The following USP3 variants were observed in gnomAD, a reference collection of about 807,000 sequenced individuals.
USP3 encodes the protein ubiquitin carboxyl-terminal hydrolase 3.
In USP3, 20 loss-of-function variants were observed where a neutral mutation model predicts 72.3. That is an observed-to-expected ratio of 0.28 (90% CI 0.19 to 0.40). The LOEUF (loss-of-function observed/expected upper bound fraction) is 0.40. Among genes scored for constraint, USP3 ranks in the 10% least tolerant of loss-of-function variants. USP3 has a pLI of 1.00. For synonymous variants in USP3, 222 were observed against 225.3 expected (o/e 0.99, Z 0.13); for missense variants, 479 against 633.9 (o/e 0.76, Z 2.62).
intron 1 of USP3, among the ~76,000 whole-genome samples, chr15:63,526,120 T>C (rs574081426): frequency 6.6e-6 from 1 of 152,348 alleles, no homozygotes; most frequent in African/African-American, 2.4e-5. Context: ...CTTTTAACAG[T>C]ATAGTGGCTC....
chr15:63,555,452 G>C (rs2066494380), intron 4 of USP3, among the ~76,000 whole-genome samples: 1 of 151,712 alleles, frequency 6.6e-6, no homozygotes, highest in African/African-American at 2.4e-5. Flanking sequence ...CTGAGACACT[G>C]AATTTTAAAC....
intron 11 of USP3, chr15:63,587,678 G>C (rs1238249615): frequency 6.6e-6 from 1 of 152,234 alleles, no homozygotes; most frequent in Admixed American, 6.5e-5. Context: ...TGTAAAAGCA[G>C]CCAGACAATA....
chr15:63,552,664 T>C (rs908809347), intron 3 of USP3, among the ~76,000 whole-genome samples: 1 of 152,190 alleles, frequency 6.6e-6, no homozygotes, highest in African/African-American at 2.4e-5. Context: ...TTCATTTCTC[T>C]GAATAAAAGA....
chr15:63,520,786 C>T (rs1257307418), intron 1 of USP3, among the ~76,000 whole-genome samples: 1 of 151,984 alleles, frequency 6.6e-6, no homozygotes, highest in Non-Finnish European at 1.5e-5. Context: ...TGGTCTTGAA[C>T]TCCTGACCTC....
intron 3 of USP3, among the ~76,000 whole-genome samples, chr15:63,549,113 A>G (rs757728943): frequency 3.9e-5 from 6 of 152,218 alleles, no homozygotes; most frequent in African/African-American, 1.4e-4. Context: ...TCAACATGTA[A>G]TCAATGTAAA....
At chr15:63,519,865 T>A (rs1411609751) in intron 1 of USP3, among the ~76,000 whole-genome samples, 4 of 152,194 alleles carry the variant, frequency 2.6e-5, no homozygotes, top group Non-Finnish European at 5.9e-5. Flanking sequence ...GCACTCGGTT[T>A]TTTTTTATTC....
At chr15:63,520,229 C>T (rs1227344233) in intron 1 of USP3, among the ~76,000 whole-genome samples, 2 of 152,188 alleles carry the variant, frequency 1.3e-5, no homozygotes, top group Non-Finnish European at 2.9e-5. Flanking sequence ...TTTCATTCAA[C>T]ACCACAAGCC....
chr15:63,562,834 C>A, intron 7 of USP3, 61 bp from the exon 8 acceptor site: 1 of 1,076,886 alleles, frequency 9.3e-7, no homozygotes, highest in Non-Finnish European at 1.4e-6. Context: ...GATGGGTGGA[C>A]GCTGTGTTGA....
At chr15:63,556,635 A>C in intron 4 of USP3, 32 bp from the exon 5 acceptor site, 1 of 1,553,648 alleles carries the variant, frequency 6.4e-7, no homozygotes, top group Non-Finnish European at 8.7e-7. Flanking sequence ...ATATATTAAT[A>C]ACTTTTTCAC....
At chr15:63,525,177 T>C (rs1595712909) in intron 1 of USP3, among the ~76,000 whole-genome samples, 1 of 152,160 alleles carries the variant, frequency 6.6e-6, no homozygotes, top group Non-Finnish European at 1.5e-5. Context: ...AGATAAACTT[T>C]GCTTCATAAT....
At chr15:63,566,066 C>A (rs540819154) in intron 8 of USP3, among the ~76,000 whole-genome samples, 1 of 152,280 alleles carries the variant, frequency 6.6e-6, no homozygotes, top group East Asian at 1.9e-4. Context: ...TAACACTCTT[C>A]AGGAAAGTCT....
intron 7 of USP3, among the ~76,000 whole-genome samples, chr15:63,560,605 G>A (rs902253179): frequency 6.6e-6 from 1 of 151,762 alleles, no homozygotes; most frequent in African/African-American, 2.4e-5. Flanking sequence ...GACAGTGTTA[G>A]GTAAACCTGT....
chr15:63,529,097 C>A lies in USP3; in HGVS notation c.92-3550C>A. The A allele has an allele frequency of 8.0e-7, 1 of 1,255,186 alleles. No individual in the cohort carries two copies. Among genetic ancestry groups the A allele is most frequent in the Non-Finnish European group, 1.0e-6 (1 of 957,824 alleles). 77.8% of individuals were successfully genotyped at this position (1,255,186 alleles called of 1,614,324 possible). A position where few individuals can be genotyped will look rare whatever the true frequency, so the allele number is the denominator to read the frequency against. On this transcript the variant is annotated intron_variant, in intron 1 of 14. Transcript: ENST00000380324. This position sits in a 1 kb window ranked among gnomAD's most constrained non-coding sequence, Gnocchi z 4.2. ...CCAGGCTGGCCTCGAACTCTAGGCT[C>A]AAGTGATTCTTCTGCCTCAGCCTCC...
chr15:63,575,122 TTTCTC>T (rs1439607589), intron 11 of USP3, among the ~76,000 whole-genome samples: 1 of 151,740 alleles, frequency 6.6e-6, no homozygotes, highest in Non-Finnish European at 1.5e-5. Context: ...GTAATGCTCT[TTTCTC>T]TTCTCTATTT....
intron 3 of USP3, among the ~76,000 whole-genome samples, chr15:63,548,340 G>T (rs114975931): frequency 2.0e-5 from 3 of 150,458 alleles, no homozygotes; most frequent in Non-Finnish European, 4.4e-5. Flanking sequence ...GTTTTTTTTG[G>T]GGGGGGACAG....
intron 2 of USP3, among the ~76,000 whole-genome samples, chr15:63,536,186 G>A (rs1307875163): frequency 6.6e-6 from 1 of 152,170 alleles, no homozygotes; most frequent in Admixed American, 6.5e-5. Context: ...AGCAGTTTTT[G>A]TAAGCTTAAG....
chr15:63,521,771 C>A (rs1291258802), intron 1 of USP3, among the ~76,000 whole-genome samples: 1 of 152,132 alleles, frequency 6.6e-6, no homozygotes, highest in Non-Finnish European at 1.5e-5. Flanking sequence ...TGTTGAGTGG[C>A]CACTCCCTGG....
Position 63,528,360 on chromosome 15 carries a change from G to C in USP3, c.92-4287G>C, listed in dbSNP as rs1054485809. Among the ~76,000 whole-genome samples, 2 of 152,190 alleles carry C rather than the reference G, an allele frequency of 1.3e-5. No individual in the cohort carries two copies. Among genetic ancestry groups the C allele is most frequent in the Non-Finnish European group, 2.9e-5 (2 of 68,030 alleles). ...GCTTCCTTTTCCCTGACATCACCTTGAAGTGTAATTGGATGTATTAAAGAG... is the reference window on the plus strand; with the variant it reads ...GCTTCCTTTTCCCTGACATCACCTTCAAGTGTAATTGGATGTATTAAAGAG... On this transcript the variant is annotated intron_variant, in intron 1 of 14. Coordinates refer to ENST00000380324, the MANE Select transcript of USP3 (RefSeq NM_006537.4). This position sits in a 1 kb window ranked among gnomAD's most constrained non-coding sequence, Gnocchi z 4.3.
At chr15:63,535,250 G>A (rs184927423) in intron 2 of USP3, among the ~76,000 whole-genome samples, 8 of 152,252 alleles carry the variant, frequency 5.3e-5, no homozygotes, top group East Asian at 1.9e-4. Context: ...ATTAAATAGC[G>A]TTTCTTGACC....
Sources: allele counts gnomAD v4.1 joint callset (sites outside exome capture counted in the v4.1 genomes callset), GRCh38; gene constraint gnomAD v4.1.1; non-coding constraint Gnocchi (gnomAD v3.1); transcripts MANE v1.5; gene names NCBI Gene and HGNC (gene_info 2026-07-23, HGNC 2026-07-21).